Variants in PTPRD observed in about 807,000 individuals in gnomAD.
PTPRD encodes receptor-type tyrosine-protein phosphatase delta.
Under a neutral mutation model 214.5 loss-of-function variants are expected in PTPRD, and 34 were observed. The observed-to-expected ratio is 0.16, with a 90% CI of 0.12 to 0.21. The LOEUF is 0.21. Ranked by LOEUF, PTPRD falls within the 10% of genes least tolerant of loss-of-function variation. The probability of loss-of-function intolerance (pLI) is 1.00; values close to 1 mark genes in which losing one functional copy is unlikely to be tolerated. For missense variants in PTPRD, 2,545 were observed against 2,398.7 expected (o/e 1.06, Z -1.27); for synonymous variants, 1,128 against 845.7 (o/e 1.33, Z -5.79).
chr9:10,516,932 A>G (rs1298288389), intron 2 of PTPRD, among the ~76,000 whole-genome samples: 1 of 151,688 alleles, frequency 6.6e-6, no homozygotes, highest in African/African-American at 2.4e-5. Flanking sequence ...ATTGGCCTAT[A>G]TGTGTCTTTA....
chr9:9,929,602 C>T (rs1291716470), intron 5 of PTPRD, among the ~76,000 whole-genome samples: 5 of 152,120 alleles, frequency 3.3e-5, no homozygotes, highest in African/African-American at 9.7e-5. Flanking sequence ...CCATGTTGGC[C>T]AGGATAGTCT....
At chr9:9,896,022 A>T (rs1281662702) in intron 5 of PTPRD, among the ~76,000 whole-genome samples, 1 of 152,060 alleles carries the variant, frequency 6.6e-6, no homozygotes. Flanking sequence ...GTCTACTGCA[A>T]ACGAGATGAC....
chr9:9,933,595 AC>A (rs2087775235), intron 5 of PTPRD, among the ~76,000 whole-genome samples: 2 of 151,284 alleles, frequency 1.3e-5, no homozygotes, highest in African/African-American at 4.9e-5. Flanking sequence ...TGAGTGACCT[AC>A]AAGGAGACTT....
chr9:9,923,121 G>GTGTGT (rs1555340153), intron 5 of PTPRD, among the ~76,000 whole-genome samples: 2 of 45,352 alleles, frequency 4.4e-5, no homozygotes, highest in Non-Finnish European at 3.3e-5. Flanking sequence ...GTGTGTGTGG[G>GTGTGT]GGGTGTGTGT....
chr9:10,140,708 A>T (rs2098978386), intron 3 of PTPRD, among the ~76,000 whole-genome samples: 1 of 152,138 alleles, frequency 6.6e-6, no homozygotes, highest in Admixed American at 6.6e-5. Context: ...AAACTATTCC[A>T]ATCAATAGAA....
intron 7 of PTPRD, among the ~76,000 whole-genome samples, chr9:9,637,468 T>C (rs2095807141): frequency 6.6e-6 from 1 of 152,210 alleles, no homozygotes; most frequent in East Asian, 1.9e-4. Flanking sequence ...TCACATGTAA[T>C]TCCAAAACTC....
intron 4 of PTPRD, among the ~76,000 whole-genome samples, chr9:10,006,835 C>G (rs1449960481): frequency 1.3e-5 from 2 of 151,880 alleles, no homozygotes; most frequent in African/African-American, 4.8e-5. Context: ...TCCATTCTAT[C>G]TACTGGTGTA....
chr9:8,350,172 A>C (rs1480449466), intron 39 of PTPRD, among the ~76,000 whole-genome samples: 4 of 152,174 alleles, frequency 2.6e-5, no homozygotes, highest in Non-Finnish European at 5.9e-5. Context: ...CAAAAAGAAA[A>C]AATTAAGAGG....
chr9:9,895,175 C>T (rs1167519607), intron 5 of PTPRD, among the ~76,000 whole-genome samples: 1 of 151,926 alleles, frequency 6.6e-6, no homozygotes, highest in Non-Finnish European at 1.5e-5. Flanking sequence ...TTGTTCCTGA[C>T]TCAAAAGATG....
intron 30 of PTPRD, among the ~76,000 whole-genome samples, chr9:8,479,483 T>C (rs1483681386): frequency 2.0e-5 from 3 of 152,222 alleles, no homozygotes; most frequent in Non-Finnish European, 4.4e-5. Flanking sequence ...TTTATACCTT[T>C]TCCCTGACTC....
intron 7 of PTPRD, among the ~76,000 whole-genome samples, chr9:9,717,656 T>G (rs1038393194): frequency 6.6e-6 from 1 of 152,198 alleles, no homozygotes; most frequent in South Asian, 2.1e-4. Context: ...ATTACAAATA[T>G]GGAACACTTA....
At chr9:8,352,777 T>G (rs538875434) in intron 39 of PTPRD, among the ~76,000 whole-genome samples, 53 of 152,336 alleles carry the variant, frequency 3.5e-4, no homozygotes, top group African/African-American at 1.3e-3. Context: ...GATTTTACTA[T>G]GTACACAAAT....
chr9:9,194,413 TCTA>T (rs1306161159), intron 9 of PTPRD, among the ~76,000 whole-genome samples: 1 of 152,186 alleles, frequency 6.6e-6, no homozygotes, highest in Admixed American at 6.6e-5. Context: ...TTTTATGTGC[TCTA>T]CTTTTATAAA....
chr9:9,098,085 G>T (rs1037405626), intron 10 of PTPRD, among the ~76,000 whole-genome samples: 10 of 151,420 alleles, frequency 6.6e-5, no homozygotes, highest in African/African-American at 2.4e-4. Context: ...ATATTTATAT[G>T]GATTTTGTGT....
rs3046919 is a variant in PTPRD, at chr9:8,907,533, A to AAAATAT, written c.-104+111163_-104+111164insATATTT. Among the ~76,000 whole-genome samples, 309 of 118,174 alleles carry AAAATAT rather than the reference A, an allele frequency of 2.6e-3. 4 individuals are homozygous for AAAATAT. Among genetic ancestry groups the AAAATAT allele is most frequent in the African/African-American group, 9.9e-3 (299 of 30,064 alleles). The allele number at this position is 118,174 out of a possible 152,430, so 77.5% of individuals were successfully genotyped here. ...ACTCCGTCTCAAAAAAAAAAAAAAA[A>AAAATAT]ATATATATATATATATATATAAAGA... On this transcript the variant is annotated intron_variant, in intron 11 of 45. Transcript: ENST00000381196.
At chr9:10,064,020 G>GTT (rs570569417) in intron 3 of PTPRD, among the ~76,000 whole-genome samples, 2 of 148,444 alleles carry the variant, frequency 1.3e-5, no homozygotes, top group African/African-American at 4.9e-5. Flanking sequence ...TATATTTTCT[G>GTT]TTTTTTTTTC....
intron 8 of PTPRD, among the ~76,000 whole-genome samples, chr9:9,406,250 G>C (rs983312082): frequency 6.6e-6 from 1 of 151,922 alleles, no homozygotes; most frequent in East Asian, 1.9e-4. Context: ...CCATTACTTT[G>C]ATTTCGGCTT....
intron 9 of PTPRD, among the ~76,000 whole-genome samples, chr9:9,226,983 T>C (rs766216121): frequency 6.6e-6 from 1 of 152,136 alleles, no homozygotes; most frequent in Non-Finnish European, 1.5e-5. Context: ...ATGATAGATA[T>C]TGTTAGATAC....
intron 8 of PTPRD, among the ~76,000 whole-genome samples, chr9:9,515,050 G>C (rs188199427): frequency 1.4e-3 from 210 of 152,062 alleles, no homozygotes; most frequent in African/African-American, 4.5e-3. Flanking sequence ...TTTATATGTT[G>C]GGTAGCAAAA....
Sources: allele counts gnomAD v4.1 joint callset (sites outside exome capture counted in the v4.1 genomes callset), GRCh38; gene constraint gnomAD v4.1.1; transcripts MANE v1.5; gene names NCBI Gene and HGNC (gene_info 2026-07-23, HGNC 2026-07-21).